PKHD1: variants seen among roughly 807,000 people sequenced by gnomAD.
The protein encoded by PKHD1 is fibrocystin.
PKHD1 carries 291 observed loss-of-function variants against 412.0 expected under a neutral mutation model. The ratio of observed to expected loss-of-function variants is 0.71; its 90% confidence interval spans 0.64 to 0.78. PKHD1 has a LOEUF of 0.78. Ranked by LOEUF, PKHD1 falls within the 30% of genes least tolerant of loss-of-function variation. The pLI, the probability that PKHD1 is intolerant of heterozygous loss-of-function variation, is 0.00. For missense variants in PKHD1, 4,825 were observed against 4,950.7 expected (o/e 0.97, Z 0.76); for synonymous variants, 1,777 against 1,821.5 (o/e 0.98, Z 0.62).
chr6:51,748,144 TG>T lies in PKHD1; in HGVS notation c.9471del (p.Met3158CysfsTer4). On this transcript the variant is annotated frameshift_variant, in exon 58 of 67. Coordinates refer to ENST00000371117, the MANE Select transcript of PKHD1 (RefSeq NM_138694.4). LOFTEE classifies it high-confidence loss of function. ...FLAFKNFDYG[A>X]MLHVENSVEI... ...TCCACGCTGTTCTCTACATGTAACA[TG>T]GCACCATAGTCAAAGTTCTTGAAAG... The T allele has an allele frequency of 2.5e-6, 4 of 1,614,108 alleles. No homozygotes were observed. Among genetic ancestry groups the T allele is most frequent in the Non-Finnish European group, 3.4e-6 (4 of 1,179,968 alleles).
chr6:52,026,104 A>G lies in PKHD1; in HGVS notation c.3706T>C (p.Ser1236Pro). 6.2e-7 allele frequency: 1 copy of G among 1,614,138 alleles called. No individual in the cohort carries two copies. Among genetic ancestry groups the G allele is most frequent in the Non-Finnish European group, 8.5e-7 (1 of 1,180,020 alleles). The part of the protein sequence containing the change: ...ALVWVLVGNR[S>P]CDIVNLTEAS... ...TCCGTTAAGTTCACAATGTCACAGGACCGATTGCCCACAAGTACCCAAACC... is the reference window on the plus strand; with the variant it reads ...TCCGTTAAGTTCACAATGTCACAGGGCCGATTGCCCACAAGTACCCAAACC... The change falls in exon 32 of 67, where the codon TCC becomes CCC. Residue 1236 changes from serine to proline, a missense_variant. By Grantham distance (74) the Ser-to-Pro change is moderately conservative. Coordinates refer to ENST00000371117, the MANE Select transcript of PKHD1 (RefSeq NM_138694.4).
intron 52 of PKHD1, among the ~76,000 whole-genome samples, chr6:51,793,632 C>T (rs551818909): frequency 3.3e-5 from 5 of 152,254 alleles, no homozygotes; most frequent in South Asian, 4.2e-4. Flanking sequence ...TTTCTGTTCC[C>T]GTGTTAGGTT....
rs551647664 is a variant in PKHD1 at position 52,061,336 on chromosome 6, T to A, written c.1118+1183A>T. On this transcript the variant is annotated intron_variant, in intron 14 of 66. Transcript: ENST00000371117. ...CTCAAGTAGCTACAGGTGCACACCA[T>A]CACACCTGGCTAATTTTTTATTTTT... 1.6e-4 allele frequency among the ~76,000 whole-genome samples: 24 copies of A among 152,200 alleles called. No homozygotes were observed. The South Asian group carries it at 5.0e-3, about 32-fold the overall frequency.
chr6:51,757,016 A>G (rs77086570), intron 55 of PKHD1, among the ~76,000 whole-genome samples: 1 of 152,160 alleles, frequency 6.6e-6, no homozygotes, highest in Non-Finnish European at 1.5e-5. Flanking sequence ...TTGCATTTTT[A>G]TGAGAATCTA....
chr6:51,833,063 G>A (rs915088303), intron 51 of PKHD1, among the ~76,000 whole-genome samples: 6 of 152,134 alleles, frequency 3.9e-5, no homozygotes, highest in Non-Finnish European at 8.8e-5. Flanking sequence ...TCAGCTGGGG[G>A]TAGAGTAAGG....
chr6:51,892,004 T>G (rs1472919868), intron 43 of PKHD1, among the ~76,000 whole-genome samples: 15 of 152,118 alleles, frequency 9.9e-5, no homozygotes, highest in Admixed American at 6.5e-5. Context: ...TTATTTAGCT[T>G]TAGCTTCAAT....
At chr6:51,850,012 T>C (rs1007641004) in intron 49 of PKHD1, among the ~76,000 whole-genome samples, 1 of 152,156 alleles carries the variant, frequency 6.6e-6, no homozygotes, top group African/African-American at 2.4e-5. Flanking sequence ...TCTTCTAGGG[T>C]TTTTATGGTT....
At chr6:51,836,371 C>G in intron 51 of PKHD1, 33 bp downstream of exon 51, 2 of 1,411,488 alleles carry the variant, frequency 1.4e-6, no homozygotes, top group Non-Finnish European at 2.0e-6. Context: ...TTCTGCCATA[C>G]TAGACACTTC....
chr6:51,775,297 T>C (rs1790826304), intron 54 of PKHD1, among the ~76,000 whole-genome samples: 1 of 151,856 alleles, frequency 6.6e-6, no homozygotes. Flanking sequence ...CATTCTCTTA[T>C]GCCTCAAAAC....
intron 49 of PKHD1, among the ~76,000 whole-genome samples, chr6:51,855,136 G>A (rs1231516880): frequency 1.3e-5 from 2 of 152,208 alleles, no homozygotes. Flanking sequence ...CTCACTCACC[G>A]CCTCCCTTGG....
intron 56 of PKHD1, among the ~76,000 whole-genome samples, chr6:51,754,581 A>T (rs1562238593): frequency 2.6e-5 from 4 of 152,174 alleles, no homozygotes; most frequent in African/African-American, 9.7e-5. Context: ...GTGTATGTGT[A>T]TAACATCCAA....
chr6:51,985,457 G>T (rs537855283), intron 35 of PKHD1, among the ~76,000 whole-genome samples: 1 of 152,192 alleles, frequency 6.6e-6, no homozygotes, highest in Non-Finnish European at 1.5e-5. Flanking sequence ...GGCCGAGCGC[G>T]GTGGCTCATG....
At chr6:51,921,963 G>T (rs957652908) in intron 37 of PKHD1, among the ~76,000 whole-genome samples, 1 of 152,264 alleles carries the variant, frequency 6.6e-6, no homozygotes, top group South Asian at 2.1e-4. Flanking sequence ...ATCCAGCTTT[G>T]TTCTATTGCT....
At chr6:51,674,069 CAT>C (rs902816104) in intron 60 of PKHD1, among the ~76,000 whole-genome samples, 6 of 152,128 alleles carry the variant, frequency 3.9e-5, no homozygotes, top group African/African-American at 1.4e-4. Flanking sequence ...TTAAGAAAAA[CAT>C]ATTGCATCCT....
chr6:52,026,290 T>C (rs1446635822), intron 31 of PKHD1, 109 bp from the exon 32 acceptor site: 1 of 1,017,406 alleles, frequency 9.8e-7, no homozygotes. Flanking sequence ...GGGCATGTGT[T>C]AGTGAAACCT....
rs146861576 is a variant in PKHD1, at chr6:51,984,131, C to A, written c.5752-24105G>T. On this transcript the variant is annotated intron_variant, in intron 35 of 66. Transcript: ENST00000371117. The stretch of plus-strand genomic sequence containing the variant: ...AAAAAAGCCCATAGAGAGGCTTCAG[C>A]TCTAGCATTCGCTCATTAGAAAGAC... Among the ~76,000 whole-genome samples, 752 of 152,362 alleles carry A rather than the reference C, an allele frequency of 4.9e-3. 7 individuals are homozygous for A. Among genetic ancestry groups the A allele is most frequent in the African/African-American group, 0.017 (696 of 41,590 alleles).
intron 14 of PKHD1, among the ~76,000 whole-genome samples, chr6:52,061,175 C>T (rs1252995235): frequency 6.6e-6 from 1 of 152,080 alleles, no homozygotes; most frequent in Non-Finnish European, 1.5e-5. Context: ...CACAAATTAA[C>T]TGCCACATTT....
intron 36 of PKHD1, among the ~76,000 whole-genome samples, chr6:51,957,368 T>C (rs1277730790): frequency 6.6e-6 from 1 of 152,112 alleles, no homozygotes; most frequent in African/African-American, 2.4e-5. Context: ...GGTAAGCCCT[T>C]AGCCACATGG....
intron 36 of PKHD1, among the ~76,000 whole-genome samples, chr6:51,936,398 T>G (rs1787487638): frequency 6.6e-6 from 1 of 152,176 alleles, no homozygotes; most frequent in Non-Finnish European, 1.5e-5. Flanking sequence ...AAGAAGAGTC[T>G]TGGTGAGATG....
Sources: gnomAD v4.1 joint callset for allele counts (sites outside exome capture counted in the v4.1 genomes callset) on GRCh38, gnomAD v4.1.1 for gene constraint, MANE v1.5 for transcripts, NCBI Gene and HGNC (gene_info 2026-07-23, HGNC 2026-07-21) for gene names.